Variants in NRXN3 observed in about 807,000 individuals in gnomAD.
NRXN3 encodes neurexin 3, also known as neurexin III.
NRXN3 carries 32 observed loss-of-function variants against 137.6 expected under a neutral mutation model. That is an observed-to-expected ratio of 0.23 (90% CI 0.18 to 0.31). The LOEUF (loss-of-function observed/expected upper bound fraction) is 0.31. Ranked by LOEUF, NRXN3 falls within the 10% of genes least tolerant of loss-of-function variation. The probability of loss-of-function intolerance (pLI) is 1.00; values close to 1 mark genes in which losing one functional copy is unlikely to be tolerated. For synonymous variants in NRXN3, 798 were observed against 784.5 expected, an observed-to-expected ratio of 1.02 and a Z score of -0.29; for missense variants, 1,574 against 2,062.5, an observed-to-expected ratio of 0.76 and a Z score of 4.59.
At chr14:78,226,385 T>C (rs2064673307) in intron 1 of NRXN3, among the ~76,000 whole-genome samples, 1 of 152,214 alleles carries the variant, frequency 6.6e-6, no homozygotes, top group South Asian at 2.1e-4. Context: ...TTGTGACCGC[T>C]TAACTCCCTC....
intron 16 of NRXN3, among the ~76,000 whole-genome samples, chr14:79,517,655 A>G (rs2097006650): frequency 8.5e-6 from 1 of 117,738 alleles, no homozygotes; most frequent in African/African-American, 2.5e-5. Context: ...AGGTATTGAT[A>G]CAAATTTAAT....
At chr14:78,906,577 A>G (rs2099217462) in intron 10 of NRXN3, among the ~76,000 whole-genome samples, 1 of 152,078 alleles carries the variant, frequency 6.6e-6, no homozygotes, top group Non-Finnish European at 1.5e-5. Context: ...GGCATGACAT[A>G]ACTTTTCTAC....
At chr14:78,637,668 T>A (rs2097578881) in intron 4 of NRXN3, among the ~76,000 whole-genome samples, 2 of 152,238 alleles carry the variant, frequency 1.3e-5, no homozygotes, top group South Asian at 4.1e-4. Context: ...CAAACCCGCA[T>A]CTGTCTGATT....
intron 10 of NRXN3, among the ~76,000 whole-genome samples, chr14:78,936,331 T>G (rs1454529512): frequency 6.6e-6 from 1 of 152,138 alleles, no homozygotes; most frequent in East Asian, 1.9e-4. Context: ...GCAGGACAAA[T>G]ATTCCCCACC....
Position 78,817,299 on chromosome 14 carries a change from A to T in NRXN3, c.2275+6955A>T, listed in dbSNP as rs149094927. On this transcript the variant is annotated intron_variant, in intron 10 of 20. Coordinates refer to ENST00000335750, the MANE Select transcript of NRXN3 (RefSeq NM_001330195.2). ...ATTTAGAAAGAATAAAGGGAATGGG[A>T]TCTAGCACCAAATTAAAAAGTAAAC... Among the ~76,000 whole-genome samples the T allele has an allele frequency of 9.5e-4, 145 of 152,332 alleles. 2 individuals are homozygous for T. The East Asian group carries it at 0.023, about 24-fold the overall frequency.
At chr14:79,432,718 G>A (rs973897901) in intron 15 of NRXN3, among the ~76,000 whole-genome samples, 2 of 152,116 alleles carry the variant, frequency 1.3e-5, no homozygotes, top group Admixed American at 6.6e-5. Flanking sequence ...TAAACTGTGA[G>A]CTTTTGTTTC....
chr14:78,737,858 A>G (rs941994009), intron 8 of NRXN3, among the ~76,000 whole-genome samples: 12 of 152,052 alleles, frequency 7.9e-5, no homozygotes, highest in Admixed American at 5.2e-4. Context: ...TGACCTGGGT[A>G]TAGTAGGTAC....
chr14:78,784,665 T>G (rs1279156817), intron 8 of NRXN3, among the ~76,000 whole-genome samples: 6 of 152,144 alleles, frequency 3.9e-5, no homozygotes, highest in African/African-American at 1.4e-4. Context: ...GGCTGCCATG[T>G]GGAGAACCCA....
At chr14:78,738,820 A>G (rs1321112906) in intron 8 of NRXN3, among the ~76,000 whole-genome samples, 1 of 152,184 alleles carries the variant, frequency 6.6e-6, no homozygotes, top group African/African-American at 2.4e-5. Flanking sequence ...CAGGAATTAG[A>G]TCAGGGAAAT....
intron 15 of NRXN3, among the ~76,000 whole-genome samples, chr14:79,050,366 C>A (rs1026546160): frequency 6.6e-6 from 1 of 152,176 alleles, no homozygotes; most frequent in Non-Finnish European, 1.5e-5. Flanking sequence ...AGTCACACAT[C>A]AAATCAATGT....
chr14:79,527,217 C>T (rs1815896703), intron 16 of NRXN3, among the ~76,000 whole-genome samples: 1 of 134,886 alleles, frequency 7.4e-6, no homozygotes, highest in Admixed American at 8.9e-5. Context: ...TCATTTGAAC[C>T]GGGGTGGCAG....
chr14:79,729,674 G>T (rs996240891), intron 19 of NRXN3, among the ~76,000 whole-genome samples: 2 of 152,136 alleles, frequency 1.3e-5, no homozygotes, highest in South Asian at 2.1e-4. Context: ...CAATTTCAAA[G>T]TCAAAATAAC....
intron 20 of NRXN3, among the ~76,000 whole-genome samples, chr14:79,828,535 G>T (rs1342750013): frequency 6.9e-6 from 1 of 144,890 alleles, no homozygotes; most frequent in Non-Finnish European, 1.5e-5. Flanking sequence ...CAGGAGAATT[G>T]CTTGAACCCG....
intron 4 of NRXN3, among the ~76,000 whole-genome samples, chr14:78,372,620 C>A (rs2087071392): frequency 6.6e-6 from 1 of 152,184 alleles, no homozygotes; most frequent in South Asian, 2.1e-4. Context: ...AGCCACTGCA[C>A]CTGGCTGAAA....
intron 16 of NRXN3, among the ~76,000 whole-genome samples, chr14:79,526,940 A>C (rs1443429294): frequency 6.6e-6 from 1 of 152,124 alleles, no homozygotes; most frequent in African/African-American, 2.4e-5. Flanking sequence ...ACATAACAGA[A>C]CCCAGAGATG....
intron 16 of NRXN3, among the ~76,000 whole-genome samples, chr14:79,535,253 A>G (rs1205745423): frequency 6.6e-6 from 1 of 152,196 alleles, no homozygotes; most frequent in East Asian, 1.9e-4. Flanking sequence ...ATTGTCTGAA[A>G]GTGAAAGCAT....
At position 78,301,098 on chromosome 14, in the gene NRXN3, T is replaced by C. The variant is rs995073845; in HGVS notation, c.757+3238T>C. On this transcript the variant is annotated intron_variant, in intron 4 of 20. Coordinates refer to ENST00000335750, the MANE Select transcript of NRXN3 (RefSeq NM_001330195.2). ...GATAACATTGGTGGGGGAAGGATGA[T>C]AGATGAGAAAGGGAGAGAATTGGTG... 3.3e-5 allele frequency among the ~76,000 whole-genome samples: 5 copies of C among 151,994 alleles called. No homozygotes were observed. In the Middle Eastern group the frequency reaches 9.6e-3, roughly 290 times the overall value.
At chr14:78,366,642 A>C (rs2085993588) in intron 4 of NRXN3, among the ~76,000 whole-genome samples, 2 of 152,182 alleles carry the variant, frequency 1.3e-5, no homozygotes, top group Non-Finnish European at 2.9e-5. Flanking sequence ...GGAGCAAGTC[A>C]CATCTTACAT....
chr14:79,837,383 A>G (rs539073652), intron 20 of NRXN3, among the ~76,000 whole-genome samples: 2 of 152,288 alleles, frequency 1.3e-5, no homozygotes, highest in East Asian at 1.9e-4. Flanking sequence ...GAGTTAACCA[A>G]TAAGTAAAAT....
Sources: gnomAD v4.1 joint callset for allele counts (sites outside exome capture counted in the v4.1 genomes callset) on GRCh38, gnomAD v4.1.1 for gene constraint, MANE v1.5 for transcripts, NCBI Gene and HGNC (gene_info 2026-07-23, HGNC 2026-07-21) for gene names.